LRP1B: variants seen among roughly 807,000 people sequenced by gnomAD.
LRP1B encodes low-density lipoprotein receptor-related protein 1B.
A neutral mutation model predicts 556.6 loss-of-function variants in LRP1B; 217 were observed. The ratio of observed to expected loss-of-function variants is 0.39; its 90% CI spans 0.35 to 0.44. The LOEUF (loss-of-function observed/expected upper bound fraction) is 0.44. Among genes scored for constraint, LRP1B ranks in the 20% least tolerant of loss-of-function variants. The pLI, the probability that LRP1B is intolerant of heterozygous loss-of-function variation, is 1.00. For synonymous variants in LRP1B, 2,047 were observed against 1,865.8 expected (o/e 1.10, Z -2.50); for missense variants, 5,053 against 5,620.8 (o/e 0.90, Z 3.23).
chr2:140,859,733 G>A (rs930677062), intron 27 of LRP1B, among the ~76,000 whole-genome samples: 2 of 152,004 alleles, frequency 1.3e-5, no homozygotes, highest in African/African-American at 2.4e-5. Flanking sequence ...GGTGGCTCCC[G>A]ACTGTAATCC....
At chr2:141,620,936 C>A (rs113457659) in intron 2 of LRP1B, among the ~76,000 whole-genome samples, 947 of 89,020 alleles carry the variant, frequency 0.011, 15 homozygotes, top group African/African-American at 0.039. Context: ...TGAAGAATTT[C>A]ATTAACCTTT....
intron 3 of LRP1B, among the ~76,000 whole-genome samples, chr2:141,411,121 A>C (rs1256422704): frequency 6.6e-6 from 1 of 152,090 alleles, no homozygotes; most frequent in African/African-American, 2.4e-5. Flanking sequence ...ACCTTAGATA[A>C]GGAAACAGAA....
In LRP1B at chr2:141,641,727, G is replaced by T. The variant is rs188008204; in HGVS notation, c.206-161194C>A. On this transcript the variant is annotated intron_variant, in intron 2 of 90. Coordinates refer to ENST00000389484, the MANE Select transcript of LRP1B (RefSeq NM_018557.3). ...CAGACTGCAAAAGATCCTATACCTG[G>T]GTAAAAAATGGTAAGATAAAAGCAG... is the stretch of plus-strand genomic sequence containing the variant. Among the ~76,000 whole-genome samples the T allele has an allele frequency of 4.6e-5, 7 of 152,070 alleles. No homozygotes were observed. The East Asian group carries it at 1.4e-3, about 29-fold the overall frequency.
intron 31 of LRP1B, among the ~76,000 whole-genome samples, chr2:140,826,352 C>T (rs6715709): frequency 0.77 from 117,748 of 152,040 alleles, 47,055 homozygotes; most frequent in Non-Finnish European, 0.88. Flanking sequence ...CTGGTTTCAT[C>T]CCACATCCCA....
chr2:141,455,134 G>A (rs138966635), intron 3 of LRP1B, among the ~76,000 whole-genome samples: 1 of 151,848 alleles, frequency 6.6e-6, no homozygotes, highest in South Asian at 2.1e-4. Context: ...GGGAGAAAAT[G>A]CCTATGTGCT....
chr2:141,605,763 G>A (rs557582539), intron 2 of LRP1B, among the ~76,000 whole-genome samples: 1 of 152,318 alleles, frequency 6.6e-6, no homozygotes, highest in Admixed American at 6.5e-5. Context: ...AAAGTTAGAA[G>A]TGGTATTTTG....
chr2:140,478,609 T>C (rs1688079152), intron 59 of LRP1B, among the ~76,000 whole-genome samples: 2 of 152,132 alleles, frequency 1.3e-5, no homozygotes, highest in Non-Finnish European at 2.9e-5. Context: ...CACTGACTTC[T>C]TTTCTAACAA....
At chr2:141,565,766 T>C (rs753761519) in intron 2 of LRP1B, among the ~76,000 whole-genome samples, 9 of 152,216 alleles carry the variant, frequency 5.9e-5, no homozygotes, top group Non-Finnish European at 1.2e-4. Flanking sequence ...AGTTAAGAGG[T>C]ACACTGTTTG....
At chr2:140,848,393 T>C (rs1345566798) in intron 29 of LRP1B, among the ~76,000 whole-genome samples, 1 of 152,200 alleles carries the variant, frequency 6.6e-6, no homozygotes, top group South Asian at 2.1e-4. Flanking sequence ...AGCCAAACCA[T>C]TCAATAAATT....
chr2:141,254,674 T>G, intron 3 of LRP1B, 33 bp from the exon 4 acceptor site: 1 of 1,500,664 alleles, frequency 6.7e-7, no homozygotes, highest in Non-Finnish European at 9.2e-7. Context: ...TTCTCTATAT[T>G]TAACTGTATA....
intron 2 of LRP1B, among the ~76,000 whole-genome samples, chr2:141,664,957 A>G (rs1030785549): frequency 6.6e-6 from 1 of 152,200 alleles, no homozygotes; most frequent in Non-Finnish European, 1.5e-5. Context: ...TTCAAAATAT[A>G]CTACAAGTCT....
chr2:141,913,307 G>C (rs1558957321), intron 1 of LRP1B, among the ~76,000 whole-genome samples: 1 of 152,174 alleles, frequency 6.6e-6, no homozygotes, highest in Admixed American at 6.5e-5. Context: ...TTTTTGGAGA[G>C]ACAGTGAGTT....
intron 2 of LRP1B, among the ~76,000 whole-genome samples, chr2:141,547,738 A>G (rs142856352): frequency 1.1e-3 from 161 of 152,208 alleles, no homozygotes; most frequent in African/African-American, 3.7e-3. Flanking sequence ...AATCTCCTCA[A>G]TGATCCCTTC....
intron 80 of LRP1B, among the ~76,000 whole-genome samples, chr2:140,324,731 T>C (rs1322419063): frequency 2.0e-5 from 3 of 151,974 alleles, no homozygotes; most frequent in African/African-American, 7.2e-5. Context: ...ACATTTATAT[T>C]TTACTAATTA....
intron 3 of LRP1B, among the ~76,000 whole-genome samples, chr2:141,471,312 G>C (rs1271795148): frequency 8.8e-6 from 1 of 113,076 alleles, no homozygotes; most frequent in African/African-American, 3.5e-5. Context: ...TGCTTTTTGT[G>C]GTTCTATGAA....
intron 7 of LRP1B, among the ~76,000 whole-genome samples, chr2:141,131,053 G>A (rs1187837963): frequency 6.6e-6 from 1 of 151,942 alleles, no homozygotes; most frequent in African/African-American, 2.4e-5. Flanking sequence ...CCTAGATGAC[G>A]GGTTCATAGG....
chr2:141,948,434 C>T (rs1002581570), intron 1 of LRP1B, among the ~76,000 whole-genome samples: 1 of 151,702 alleles, frequency 6.6e-6, no homozygotes, highest in African/African-American at 2.4e-5. Flanking sequence ...ATTTTTGACC[C>T]AGTAACATTA....
At chr2:141,476,027 A>G (rs1682691401) in intron 3 of LRP1B, among the ~76,000 whole-genome samples, 1 of 152,192 alleles carries the variant, frequency 6.6e-6, no homozygotes. Flanking sequence ...GAGCACTATA[A>G]CATGCCAACT....
intron 75 of LRP1B, among the ~76,000 whole-genome samples, 173 bp from the exon 76 acceptor site, chr2:140,353,245 A>G (rs1682055039): frequency 6.6e-6 from 1 of 152,102 alleles, no homozygotes; most frequent in African/African-American, 2.4e-5. Flanking sequence ...ATCATTTTTC[A>G]CAATATTTGT....
Sources: gnomAD v4.1 joint callset for allele counts (sites outside exome capture counted in the v4.1 genomes callset) on GRCh38, gnomAD v4.1.1 for gene constraint, MANE v1.5 for transcripts, NCBI Gene and HGNC (gene_info 2026-07-23, HGNC 2026-07-21) for gene names.